Variants in AIG1 observed in about 807,000 individuals in gnomAD.
AIG1 encodes androgen-induced gene 1 protein.
A neutral mutation model predicts 31.4 loss-of-function variants in AIG1; 23 were observed. That is an observed-to-expected ratio of 0.73 (90% CI 0.53 to 1.04). The LOEUF is 1.04. AIG1 is among the 50% of genes least tolerant of loss of function. The pLI, the probability that AIG1 is intolerant of heterozygous loss-of-function variation, is 0.00. For synonymous variants in AIG1, 100 were observed against 110.5 expected, an observed-to-expected ratio of 0.90 and a Z score of 0.60; for missense variants, 274 against 295.0, an observed-to-expected ratio of 0.93 and a Z score of 0.52.
chr6:143,177,737 A>G (rs1194604632), intron 3 of AIG1, among the ~76,000 whole-genome samples: 3 of 152,154 alleles, frequency 2.0e-5, no homozygotes, highest in Non-Finnish European at 4.4e-5. Flanking sequence ...AGGTTCTCTG[A>G]CAACAGTGGG....
In AIG1 at chr6:143,327,557, G is replaced by C; in HGVS notation, c.516-5725G>C. The C allele has an allele frequency of 2.7e-6, 1 of 376,826 alleles. No homozygotes were observed. Among genetic ancestry groups the C allele is most frequent in the South Asian group, 2.4e-5 (1 of 41,974 alleles). The allele number at this position is 376,826 out of a possible 1,614,324, so 23.3% of individuals were successfully genotyped here. ...TGTGTGGTTGTCCAGAAAATATTCTGAGGATGAAGATTCACCAAATAAGCT... is the reference window on the plus strand; with the variant it reads ...TGTGTGGTTGTCCAGAAAATATTCTCAGGATGAAGATTCACCAAATAAGCT... On this transcript the variant is annotated intron_variant, in intron 4 of 5. Transcript: ENST00000357847. The surrounding 1 kb of genome is among the most constrained non-coding windows in gnomAD (Gnocchi z 5.3).
chr6:143,102,995 G>C (rs1780440539), intron 1 of AIG1, among the ~76,000 whole-genome samples: 2 of 152,168 alleles, frequency 1.3e-5, no homozygotes, highest in African/African-American at 4.8e-5. Flanking sequence ...GGATATTAGA[G>C]TACAATCATT....
intron 3 of AIG1, among the ~76,000 whole-genome samples, chr6:143,262,846 ATGG>A (rs1795892164): frequency 6.6e-6 from 1 of 152,200 alleles, no homozygotes; most frequent in Non-Finnish European, 1.5e-5. Context: ...TTCTGCCAAA[ATGG>A]TGGTCAGTTT....
rs1351211742 is a variant in AIG1, at chr6:143,325,799, C to G, written c.516-7483C>G. On this transcript the variant is annotated intron_variant, in intron 4 of 5. Transcript: ENST00000357847. This position sits in a 1 kb window ranked among gnomAD's most constrained non-coding sequence, Gnocchi z 4.3. Reference sequence around the variant, plus strand: ...GTAATATTTTCTCCTCTGTTCACTTCTGTTACTGTTTTAAAATGCTAGTAA... The same window carrying G: ...GTAATATTTTCTCCTCTGTTCACTTGTGTTACTGTTTTAAAATGCTAGTAA... 6.6e-6 allele frequency among the ~76,000 whole-genome samples: 1 copy of G among 152,192 alleles called. No homozygotes were observed. Among genetic ancestry groups the G allele is most frequent in the Admixed American group, 6.5e-5 (1 of 15,280 alleles).
chr6:143,144,939 G>T (rs1027164714), intron 2 of AIG1, among the ~76,000 whole-genome samples: 5 of 152,186 alleles, frequency 3.3e-5, no homozygotes, highest in Non-Finnish European at 7.3e-5. Context: ...GCCAACTATG[G>T]TTTAAGTAAT....
Position 143,333,373 on chromosome 6 carries a change from A to G in AIG1, c.607A>G (p.Thr203Ala). 1.2e-6 allele frequency: 2 copies of G among 1,614,070 alleles called. No homozygotes were observed. The highest frequency in any genetic ancestry group is 8.5e-7 in the Non-Finnish European group (1 of 1,179,970). ...AGCCAGAATCATCTTCTTTGGGTCT[A>G]CAACCATCTTAATGAACTTCCTGTA... is the stretch of plus-strand genomic sequence containing the variant. Reference protein sequence around the residue: ...PGARIIFFGSTTILMNFLYLL... With the variant: ...PGARIIFFGSATILMNFLYLL... Residue 203 changes from threonine (T) to alanine (A), a missense_variant, in exon 5 of 6, where the codon ACA (threonine) becomes GCA (alanine). This residue lies in a region of AIG1 where 31 missense variants were observed against 56.5 expected (regional missense o/e 0.55). Transcript: ENST00000357847. The surrounding 1 kb of genome is among the most constrained non-coding windows in gnomAD (Gnocchi z 4.6).
chr6:143,188,090 A>G (rs1789437270), intron 3 of AIG1: 1 of 1,021,468 alleles, frequency 9.8e-7, no homozygotes, highest in East Asian at 9.1e-5. Context: ...TACAGTGATA[A>G]ATGGAGAGAC....
intron 3 of AIG1, among the ~76,000 whole-genome samples, chr6:143,252,105 T>C (rs1422571306): frequency 6.6e-6 from 1 of 152,162 alleles, no homozygotes; most frequent in African/African-American, 2.4e-5. Flanking sequence ...TTTCTCTTGC[T>C]TTTTCATCTT....
At chr6:143,213,876 A>G (rs989501431) in intron 3 of AIG1, among the ~76,000 whole-genome samples, 1 of 152,168 alleles carries the variant, frequency 6.6e-6, no homozygotes, top group Non-Finnish European at 1.5e-5. Flanking sequence ...ATTAAAATTT[A>G]TTAAATATAG....
intron 3 of AIG1, among the ~76,000 whole-genome samples, chr6:143,197,109 A>G (rs1000065560): frequency 1.3e-5 from 2 of 151,886 alleles, no homozygotes; most frequent in Non-Finnish European, 2.9e-5. Context: ...TGTTTAGGAA[A>G]AGACAACTTG....
chr6:143,213,525 TTTTTTTTTTG>T (rs1384141702), intron 3 of AIG1, among the ~76,000 whole-genome samples: 1 of 90,468 alleles, frequency 1.1e-5, no homozygotes, highest in Admixed American at 1.1e-4. Context: ...TTTTTTTTTT[TTTTTTTTTTG>T]AGATGGAGTC....
chr6:143,126,811 ACTCT>A, intron 1 of AIG1, among the ~76,000 whole-genome samples: 1 of 151,770 alleles, frequency 6.6e-6, no homozygotes, highest in Non-Finnish European at 1.5e-5. Context: ...ATGACAAACT[ACTCT>A]CTCTTTTATG....
chr6:143,162,242 C>T (rs73590492), intron 2 of AIG1, among the ~76,000 whole-genome samples: 1,772 of 152,164 alleles, frequency 0.012, 31 homozygotes, highest in African/African-American at 0.04. Flanking sequence ...CATTGAAAAC[C>T]ACAAACATTG....
intron 3 of AIG1, among the ~76,000 whole-genome samples, chr6:143,176,913 C>A (rs1788222013): frequency 6.6e-6 from 1 of 152,190 alleles, no homozygotes; most frequent in Non-Finnish European, 1.5e-5. Context: ...TGCAGTAGTT[C>A]TTGGAGCAAG....
intron 3 of AIG1, among the ~76,000 whole-genome samples, chr6:143,233,569 AT>A: frequency 7.3e-6 from 1 of 137,410 alleles, no homozygotes; most frequent in Non-Finnish European, 1.5e-5. Context: ...GTCAAAGAAG[AT>A]TTATGGACCA....
intron 3 of AIG1, among the ~76,000 whole-genome samples, chr6:143,226,787 G>A (rs1035866583): frequency 3.3e-5 from 5 of 151,986 alleles, no homozygotes; most frequent in Middle Eastern, 3.4e-3. Flanking sequence ...AGTTAGCAAG[G>A]GGTAGCTAAT....
chr6:143,235,999 C>A lies in AIG1; in HGVS notation c.400-48111C>A, dbSNP rs562321794. ...GCAGGGAAGGGAGGAGATGAGAAGACCTTCCTACTTCTGCCATTTTCCCAA... is the reference window on the plus strand; with the variant it reads ...GCAGGGAAGGGAGGAGATGAGAAGAACTTCCTACTTCTGCCATTTTCCCAA... On this transcript the variant is annotated intron_variant, in intron 3 of 5. Transcript: ENST00000357847. 5.9e-5 allele frequency among the ~76,000 whole-genome samples: 9 copies of A among 152,300 alleles called. No homozygotes were observed. The East Asian group carries it at 1.2e-3, about 20-fold the overall frequency.
intron 1 of AIG1, among the ~76,000 whole-genome samples, chr6:143,109,133 C>A (rs1345040838): frequency 6.6e-6 from 1 of 151,850 alleles, no homozygotes; most frequent in Non-Finnish European, 1.5e-5. Context: ...CCCCTAGATT[C>A]TTTTCTTCAG....
intron 3 of AIG1, among the ~76,000 whole-genome samples, chr6:143,246,745 C>T (rs1213390311): frequency 6.6e-6 from 1 of 152,206 alleles, no homozygotes; most frequent in East Asian, 1.9e-4. Flanking sequence ...ATCCTCTTGA[C>T]AGCCAGTGAG....
Sources: allele counts gnomAD v4.1 joint callset (sites outside exome capture counted in the v4.1 genomes callset), GRCh38; gene constraint gnomAD v4.1.1; regional missense constraint gnomAD v4.1.1; non-coding constraint Gnocchi (gnomAD v3.1); transcripts MANE v1.5; gene names NCBI Gene and HGNC (gene_info 2026-07-23, HGNC 2026-07-21).